SPG7: variants seen among roughly 807,000 people sequenced by gnomAD.
The protein encoded by SPG7 is mitochondrial inner membrane m-AAA protease component paraplegin.
In SPG7, 103 loss-of-function variants were observed where a neutral mutation model predicts 81.9. That is an observed-to-expected ratio of 1.26 (90% CI 1.07 to 1.48). SPG7 has a LOEUF of 1.48. Ranked by LOEUF, SPG7 falls within the 40% of genes most tolerant of loss-of-function variation. The probability of loss-of-function intolerance (pLI) is 0.00; values close to 1 mark genes in which losing one functional copy is unlikely to be tolerated. For missense variants in SPG7, 1,241 were observed against 1,087.3 expected, an observed-to-expected ratio of 1.14 and a Z score of -1.99; for synonymous variants, 534 against 444.2, an observed-to-expected ratio of 1.20 and a Z score of -2.54.
intron 12 of SPG7, chr16:89,550,084 G>A: frequency 3.2e-6 from 1 of 312,816 alleles, no homozygotes; most frequent in Admixed American, 4.3e-5. Flanking sequence ...AGAGGCAGAT[G>A]TGCAGAGAGA....
intron 9 of SPG7, among the ~76,000 whole-genome samples, chr16:89,542,516 C>G (rs2058508404): frequency 6.6e-6 from 1 of 152,226 alleles, no homozygotes; most frequent in African/African-American, 2.4e-5. Flanking sequence ...TGGGACTTAG[C>G]ATCCCAGCTT....
intron 13 of SPG7, 50 bp from the exon 14 acceptor site, chr16:89,552,929 A>G (rs1395059178): frequency 6.2e-7 from 1 of 1,601,860 alleles, no homozygotes; most frequent in East Asian, 2.2e-5. Context: ...TTCCTCCTCA[A>G]AGCCCACGCA....
intron 6 of SPG7, 79 bp from the exon 7 acceptor site, chr16:89,530,604 T>C: frequency 6.4e-7 from 1 of 1,573,154 alleles, no homozygotes; most frequent in South Asian, 1.1e-5. Flanking sequence ...GCGGCTCAGG[T>C]GCGTGGGCTG....
At chr16:89,547,982 C>G (rs777634975) in intron 11 of SPG7, 21 bp from the exon 12 acceptor site, 6 of 1,595,494 alleles carry the variant, frequency 3.8e-6, no homozygotes, top group Non-Finnish European at 5.2e-6. Flanking sequence ...CCACCCACAC[C>G]GTGGCTGTTT....
At chr16:89,535,871 C>A (rs979383139) in intron 9 of SPG7, among the ~76,000 whole-genome samples, 1 of 143,902 alleles carries the variant, frequency 6.9e-6, no homozygotes, top group Non-Finnish European at 1.5e-5. Flanking sequence ...TGCTGTGTGG[C>A]CTTCACTGTG....
At chr16:89,531,137 C>G (rs999033268) in intron 7 of SPG7, 4 of 435,110 alleles carry the variant, frequency 9.2e-6, no homozygotes, top group African/African-American at 2.0e-5. Flanking sequence ...AGTGCATGAG[C>G]TGCCTATCAC....
rs2152394838 is a variant in SPG7, at chr16:89,513,029, A to AG, written c.370dup (p.Asp124GlyfsTer9). ...AAGTCGAAGGGGAAGGCGCCTGAAG[A>AG]GGACGAAGGTATATTCATCTGATGT... is the stretch of plus-strand genomic sequence containing the variant. On this transcript the variant is annotated frameshift_variant, in exon 3 of 17. Coordinates refer to ENST00000645818, the MANE Select transcript of SPG7 (RefSeq NM_003119.4). LOFTEE classifies it high-confidence loss of function. 2 of 1,608,978 alleles carry AG rather than the reference A, an allele frequency of 1.2e-6. No individual in the cohort carries two copies. The highest frequency in any genetic ancestry group is 4.5e-5 in the East Asian group (2 of 44,736).
At chr16:89,535,599 A>G (rs1017192287) in intron 9 of SPG7, among the ~76,000 whole-genome samples, 1 of 152,100 alleles carries the variant, frequency 6.6e-6, no homozygotes, top group Non-Finnish European at 1.5e-5. Flanking sequence ...CAGAGAACAC[A>G]ATGTCTTCAG....
At chr16:89,546,822 G>A (rs757725566) in intron 11 of SPG7, 62 bp downstream of exon 11, 105 of 1,114,222 alleles carry the variant, frequency 9.4e-5, no homozygotes, top group African/African-American at 5.7e-4. Context: ...TGTCACCTGC[G>A]CAAACAGCAT....
chr16:89,553,750 G>C lies in SPG7; in HGVS notation c.1937-44G>C, dbSNP rs115067204. ...CACCTGGGGCCCAGCACTGCTCTGC[G>C]CCTGCAGTGCTGAGGATGCCTCTGT... On this transcript the variant is annotated intron_variant, in intron 14 of 16. Transcript: ENST00000645818. 4 of 1,593,124 alleles carry C rather than the reference G, an allele frequency of 2.5e-6. No individual in the cohort carries two copies. In the East Asian group the frequency reaches 8.9e-5, roughly 36 times the overall value.
Position 89,532,561 on chromosome 16 carries a change from C to A in SPG7, c.1249C>A (p.Arg417Ser). The A allele has an allele frequency of 1.2e-6, 2 of 1,613,742 alleles. No individual in the cohort carries two copies. Among genetic ancestry groups the A allele is most frequent in the Non-Finnish European group, 1.7e-6 (2 of 1,180,020 alleles). ...IDEIDAVGKK[R>S]STTMSGFSNT... ...TGAGATCGACGCGGTGGGCAAGAAGCGCTCCACCACCATGTCCGGCTTCTC... is the reference window on the plus strand; with the variant it reads ...TGAGATCGACGCGGTGGGCAAGAAGAGCTCCACCACCATGTCCGGCTTCTC... The change falls in exon 9 of 17, where the codon CGC becomes AGC. Residue 417 changes from arginine (R) to serine (S), a missense_variant. Physicochemically the swap from Arg to Ser is moderately radical, Grantham distance 110. Coordinates refer to ENST00000645818, the MANE Select transcript of SPG7 (RefSeq NM_003119.4).
intron 3 of SPG7, chr16:89,520,305 C>T (rs929519709): frequency 3.2e-5 from 5 of 157,410 alleles, no homozygotes; most frequent in African/African-American, 1.2e-4. Context: ...TTGGGTTGAA[C>T]AGAAGTTAAG....
At chr16:89,546,591 A>G (rs2058567161) in intron 10 of SPG7, 67 bp from the exon 11 acceptor site, 1 of 1,078,104 alleles carries the variant, frequency 9.3e-7, no homozygotes, top group Non-Finnish European at 1.4e-6. Flanking sequence ...CCCACAGACA[A>G]ACATGCCGCA....
In SPG7 at chr16:89,532,524, C is replaced by T. The variant is rs765347604; in HGVS notation, c.1212C>T (p.Ile404=). 3.1e-6 allele frequency: 5 copies of T among 1,613,768 alleles called. No individual in the cohort carries two copies. Among genetic ancestry groups the T allele is most frequent in the South Asian group, 1.1e-5 (1 of 91,084 alleles). Residue 404 remains isoleucine (I), a synonymous_variant, in exon 9 of 17, where the codon ATC becomes ATT. Coordinates refer to ENST00000645818, the MANE Select transcript of SPG7 (RefSeq NM_003119.4). ...FKEARARAPC[I]VYIDEIDAVG... ...AAGCCCGAGCCCGGGCCCCCTGCAT[C>T]GTCTACATCGATGAGATCGACGCGG...
At chr16:89,513,600 G>A (rs1567896771) in intron 3 of SPG7, among the ~76,000 whole-genome samples, 2 of 152,194 alleles carry the variant, frequency 1.3e-5, no homozygotes, top group Non-Finnish European at 2.9e-5. Flanking sequence ...CAGGCGTGGT[G>A]GTGTGCACCT....
chr16:89,554,982 C>G lies in SPG7; in HGVS notation c.2181+419C>G, dbSNP rs370940264. 208 of 211,670 alleles carry G rather than the reference C, an allele frequency of 9.8e-4. 2 individuals carry two copies. The East Asian group carries it at 0.021, about 21-fold the overall frequency. 13.1% of individuals were successfully genotyped at this position (211,670 alleles called of 1,614,324 possible). A position where few individuals can be genotyped will look rare whatever the true frequency, so the allele number is the denominator to read the frequency against. On this transcript the variant is annotated intron_variant, in intron 16 of 16. Coordinates refer to ENST00000645818, the MANE Select transcript of SPG7 (RefSeq NM_003119.4). ...CCAGGCTGGAGTGCGATGGCGACATCTTGGCTCACTGCAACCTCTGCCTCC... is the reference window on the plus strand; with the variant it reads ...CCAGGCTGGAGTGCGATGGCGACATGTTGGCTCACTGCAACCTCTGCCTCC...
At chr16:89,548,824 C>A (rs1424352622) in intron 12 of SPG7, 1 of 411,952 alleles carries the variant, frequency 2.4e-6, no homozygotes, top group East Asian at 7.2e-5. Flanking sequence ...CAGACCCGCA[C>A]TGTCAGTGTG....
In SPG7 at chr16:89,557,404, C is replaced by T. The variant is rs1287966226; in HGVS notation, c.*311C>T. The stretch of plus-strand genomic sequence containing the variant: ...GTCGTTCCCAGTGTGGCTGAGGCCA[C>T]CCAGAGGCAGCAGAGCATTCAGACT... On this transcript the variant is annotated 3_prime_UTR_variant, in exon 17 of 17. Coordinates refer to ENST00000645818, the MANE Select transcript of SPG7 (RefSeq NM_003119.4). 3 of 411,710 alleles carry T rather than the reference C, an allele frequency of 7.3e-6. No individual in the cohort carries two copies. The highest frequency in any genetic ancestry group is 6.1e-5 in the African/African-American group (3 of 49,362). 25.5% of individuals were successfully genotyped at this position (411,710 alleles called of 1,614,324 possible).
intron 5 of SPG7, among the ~76,000 whole-genome samples, chr16:89,528,297 C>T (rs1341198663): frequency 6.6e-6 from 1 of 151,306 alleles, no homozygotes. Context: ...GAGGCTGAGG[C>T]AGGAGGATGG....
Sources: allele counts gnomAD v4.1 joint callset (sites outside exome capture counted in the v4.1 genomes callset), GRCh38; gene constraint gnomAD v4.1.1; transcripts MANE v1.5; gene names NCBI Gene and HGNC (gene_info 2026-07-23, HGNC 2026-07-21).